Variants in STX8 observed in about 807,000 individuals in gnomAD.
STX8 encodes syntaxin-8.
STX8 carries 23 observed loss-of-function variants against 37.5 expected under a neutral mutation model. The ratio of observed to expected loss-of-function variants is 0.61; its 90% CI spans 0.44 to 0.87. The LOEUF (loss-of-function observed/expected upper bound fraction) is 0.87, where lower values mean the gene tolerates loss of function less well. STX8 is among the 40% of genes least tolerant of loss of function. The pLI is 0.00. For missense variants in STX8, 313 were observed against 284.7 expected, an observed-to-expected ratio of 1.10 and a Z score of -0.71; for synonymous variants, 115 against 99.1, an observed-to-expected ratio of 1.16 and a Z score of -0.95.
intron 7 of STX8, among the ~76,000 whole-genome samples, chr17:9,274,062 C>A (rs1344413897): frequency 6.6e-6 from 1 of 152,196 alleles, no homozygotes; most frequent in Non-Finnish European, 1.5e-5. Context: ...CCGGTACTTA[C>A]TCATGAGAAT....
Position 9,538,140 on chromosome 17 carries a change from G to A in STX8, c.323+7032C>T, listed in dbSNP as rs114456243. On this transcript the variant is annotated intron_variant, in intron 4 of 7. Transcript: ENST00000306357. Reference sequence around the variant, plus strand: ...CTTGACTGTACTTAGTAACTCCTTGGGGTTCAACTGCCCCTACACTCACGT... The same window carrying A: ...CTTGACTGTACTTAGTAACTCCTTGAGGTTCAACTGCCCCTACACTCACGT... 8.8e-3 allele frequency among the ~76,000 whole-genome samples: 1,338 copies of A among 152,144 alleles called. 26 individuals are homozygous for A. Among genetic ancestry groups the A allele is most frequent in the African/African-American group, 0.03 (1,247 of 41,498 alleles).
intron 6 of STX8, among the ~76,000 whole-genome samples, chr17:9,454,670 A>T (rs1597683244): frequency 2.3e-5 from 3 of 131,636 alleles, no homozygotes; most frequent in East Asian, 2.2e-4. Context: ...ACAGAGCGAG[A>T]CTGTCTCAAA....
At chr17:9,345,848 C>CTTGTTTTT (rs1910512567) in intron 7 of STX8, among the ~76,000 whole-genome samples, 1 of 52,076 alleles carries the variant, frequency 1.9e-5, no homozygotes, top group African/African-American at 6.8e-5. Flanking sequence ...TTATGCATTC[C>CTTGTTTTT]TTTTTTTTTT....
intron 6 of STX8, among the ~76,000 whole-genome samples, chr17:9,478,127 T>C (rs1162008769): frequency 6.6e-6 from 1 of 152,150 alleles, no homozygotes; most frequent in African/African-American, 2.4e-5. Flanking sequence ...CAGCTAAGAA[T>C]ATGAGAACAG....
intron 7 of STX8, among the ~76,000 whole-genome samples, chr17:9,337,586 C>T (rs566507730): frequency 3.3e-5 from 5 of 152,270 alleles, no homozygotes; most frequent in East Asian, 1.9e-4. Context: ...AGGCTGATCT[C>T]GAATTTCTGA....
At chr17:9,268,469 C>G (rs940419188) in intron 7 of STX8, among the ~76,000 whole-genome samples, 3 of 152,162 alleles carry the variant, frequency 2.0e-5, no homozygotes, top group African/African-American at 7.2e-5. Context: ...CAGGAGTATT[C>G]ACACTCTGCA....
At chr17:9,544,801 A>C (rs1039057871) in intron 4 of STX8, among the ~76,000 whole-genome samples, 1 of 152,020 alleles carries the variant, frequency 6.6e-6, no homozygotes, top group African/African-American at 2.4e-5. Flanking sequence ...GACCATCCTG[A>C]CTAATACGGT....
chr17:9,417,451 G>T (rs1027143013), intron 6 of STX8, among the ~76,000 whole-genome samples: 2 of 152,066 alleles, frequency 1.3e-5, no homozygotes, highest in Non-Finnish European at 2.9e-5. Flanking sequence ...GTTAGTTGGG[G>T]TATAATAAAA....
intron 7 of STX8, among the ~76,000 whole-genome samples, chr17:9,272,412 T>C (rs1360045582): frequency 6.6e-6 from 1 of 152,218 alleles, no homozygotes; most frequent in Non-Finnish European, 1.5e-5. Context: ...TGGATGCCCA[T>C]GAGCCAGTGT....
At chr17:9,283,717 A>C (rs1214621604) in intron 7 of STX8, among the ~76,000 whole-genome samples, 1 of 152,218 alleles carries the variant, frequency 6.6e-6, no homozygotes, top group Non-Finnish European at 1.5e-5. Flanking sequence ...AATTAAAAGC[A>C]ATGTTTTCAA....
chr17:9,556,777 A>ATATATG (rs1906991306), intron 3 of STX8: 1 of 80,444 alleles, frequency 1.2e-5, no homozygotes, highest in Non-Finnish European at 2.3e-5. Context: ...ATATATATAT[A>ATATATG]TATATATATA....
intron 6 of STX8, among the ~76,000 whole-genome samples, chr17:9,408,480 T>C (rs568042341): frequency 6.6e-6 from 1 of 152,330 alleles, no homozygotes; most frequent in East Asian, 1.9e-4. Flanking sequence ...TCAAGAGCTT[T>C]CACCTAGTGT....
In STX8 at chr17:9,363,198, T is replaced by C. The variant is rs1371195526; in HGVS notation, c.643+15354A>G. On this transcript the variant is annotated intron_variant, in intron 7 of 7. Transcript: ENST00000306357. ...TACATATAATGTAAAATTAACCATC[T>C]GAGGCCAGGGATCATTGATTTTACA... Among the ~76,000 whole-genome samples, 4 of 152,236 alleles carry C rather than the reference T, an allele frequency of 2.6e-5. No homozygotes were observed. The East Asian group carries it at 7.7e-4, about 29-fold the overall frequency.
At chr17:9,356,623 G>A (rs545368524) in intron 7 of STX8, among the ~76,000 whole-genome samples, 1 of 152,326 alleles carries the variant, frequency 6.6e-6, no homozygotes, top group Non-Finnish European at 1.5e-5. Flanking sequence ...CAGAAAGCAA[G>A]AAGAGGGGTG....
chr17:9,423,399 C>T (rs1158802844), intron 6 of STX8, among the ~76,000 whole-genome samples: 2 of 152,212 alleles, frequency 1.3e-5, no homozygotes, highest in African/African-American at 4.8e-5. Flanking sequence ...GATCTCAGCT[C>T]ACTGCAACCT....
intron 4 of STX8, among the ~76,000 whole-genome samples, chr17:9,531,460 C>A (rs1378034666): frequency 6.6e-6 from 1 of 152,160 alleles, no homozygotes; most frequent in Non-Finnish European, 1.5e-5. Flanking sequence ...TAAGACCCCA[C>A]CCCGACTTAC....
intron 7 of STX8, among the ~76,000 whole-genome samples, chr17:9,356,933 C>T (rs1910896605): frequency 6.8e-6 from 1 of 147,514 alleles, no homozygotes; most frequent in Non-Finnish European, 1.5e-5. Context: ...GCACCTTCCC[C>T]TTTTCATTCT....
intron 5 of STX8, among the ~76,000 whole-genome samples, chr17:9,493,428 A>G (rs185833153): frequency 3.0e-3 from 460 of 152,260 alleles, no homozygotes; most frequent in African/African-American, 0.01. Context: ...TTCAGTGCAC[A>G]GTGGCCAGCA....
rs185860298 is a variant in STX8 at position 9,505,861 on chromosome 17, G to A, written c.324-699C>T. Among the ~76,000 whole-genome samples the A allele has an allele frequency of 8.1e-3, 1,218 of 149,714 alleles. 8 individuals are homozygous for A. Among genetic ancestry groups the A allele is most frequent in the South Asian group, 0.016 (77 of 4,740 alleles). On this transcript the variant is annotated intron_variant, in intron 4 of 7. Transcript: ENST00000306357. Reference sequence around the variant, plus strand: ...GGAGGCTGAGGCAGGAAAATCGCTTGAACCTGAGAGGCGGAGGTTGCAGTG... The same window carrying A: ...GGAGGCTGAGGCAGGAAAATCGCTTAAACCTGAGAGGCGGAGGTTGCAGTG...
Sources: gnomAD v4.1 joint callset for allele counts (sites outside exome capture counted in the v4.1 genomes callset) on GRCh38, gnomAD v4.1.1 for gene constraint, MANE v1.5 for transcripts, NCBI Gene and HGNC (gene_info 2026-07-23, HGNC 2026-07-21) for gene names.